TASP1: variants seen among roughly 807,000 people sequenced by gnomAD.
TASP1 encodes the protein threonine aspartase 1.
Under a neutral mutation model 56.6 loss-of-function variants are expected in TASP1, and 16 were observed. That is an observed-to-expected ratio of 0.28 (90% CI 0.19 to 0.43). The LOEUF is 0.43. Ranked by LOEUF, TASP1 falls within the 20% of genes least tolerant of loss-of-function variation. The pLI, the probability that TASP1 is intolerant of heterozygous loss-of-function variation, is 1.00. For missense variants in TASP1, 393 were observed against 511.6 expected, an observed-to-expected ratio of 0.77 and a Z score of 2.24; for synonymous variants, 179 against 184.2, an observed-to-expected ratio of 0.97 and a Z score of 0.23.
chr20:13,250,944 A>G, the TASP1 span, among the ~76,000 whole-genome samples: 16,237 of 152,144 alleles, frequency 0.11, 1,021 homozygotes, highest in African/African-American at 0.16. Context: ...CCTACTGAAA[A>G]CATCCTGAGA....
the TASP1 span, among the ~76,000 whole-genome samples, chr20:13,342,835 G>A: frequency 6.6e-6 from 1 of 152,162 alleles, no homozygotes; most frequent in South Asian, 2.1e-4. Flanking sequence ...CCTCCAGATG[G>A]GGGTGTGTAG....
chr20:13,368,527 G>A, the TASP1 span: 1 of 152,208 alleles, frequency 6.6e-6, no homozygotes, highest in East Asian at 1.9e-4. Flanking sequence ...GCCATGAGTT[G>A]AGGGCTGCTC....
chr20:13,311,246 T>C, the TASP1 span, among the ~76,000 whole-genome samples: 3 of 106,744 alleles, frequency 2.8e-5, no homozygotes, highest in Admixed American at 1.8e-4. Context: ...AGATAGATGA[T>C]AGATAGATAG....
At chr20:13,530,364 G>T (rs2045174880) in intron 9 of TASP1, among the ~76,000 whole-genome samples, 1 of 152,166 alleles carries the variant, frequency 6.6e-6, no homozygotes, top group African/African-American at 2.4e-5. Context: ...AATACATGCT[G>T]GCTCAGGGTC....
chr20:13,365,861 G>A, the TASP1 span, among the ~76,000 whole-genome samples: 1 of 152,192 alleles, frequency 6.6e-6, no homozygotes, highest in Admixed American at 6.5e-5. Flanking sequence ...GGATAGGAAA[G>A]GAATGGAGGC....
At chr20:13,345,249 T>C in the TASP1 span, among the ~76,000 whole-genome samples, 2 of 152,208 alleles carry the variant, frequency 1.3e-5, no homozygotes, top group African/African-American at 4.8e-5. Context: ...TTTGTATGCA[T>C]ATTGATTTTT....
the TASP1 span, among the ~76,000 whole-genome samples, chr20:13,227,657 C>T: frequency 3.9e-3 from 583 of 149,094 alleles, 5 homozygotes; most frequent in Middle Eastern, 0.016. Context: ...TACAGGCGCC[C>T]GCCACCATGC....
At chr20:13,198,875 T>TTTCC in the TASP1 span, among the ~76,000 whole-genome samples, 5 of 144,234 alleles carry the variant, frequency 3.5e-5, no homozygotes, top group African/African-American at 1.0e-4. Context: ...TCCTTCCTTC[T>TTTCC]TTCCTTCCTT....
intron 5 of TASP1, 97 bp from the exon 6 acceptor site, chr20:13,581,078 A>G: frequency 2.8e-6 from 3 of 1,072,786 alleles, no homozygotes; most frequent in East Asian, 2.5e-5. Flanking sequence ...CAACTTGAAT[A>G]TATCTTGGAA....
At chr20:13,346,081 A>G in the TASP1 span, among the ~76,000 whole-genome samples, 1 of 152,116 alleles carries the variant, frequency 6.6e-6, no homozygotes, top group Non-Finnish European at 1.5e-5. Context: ...CTTCTGCTTC[A>G]TGACTTACAC....
At chr20:13,405,466 C>T (rs1017107779) in intron 13 of TASP1, among the ~76,000 whole-genome samples, 1 of 152,168 alleles carries the variant, frequency 6.6e-6, no homozygotes, top group South Asian at 2.1e-4. Flanking sequence ...ACAATTCTTT[C>T]ATCTGACGAC....
At chr20:13,170,780 G>A in the TASP1 span, among the ~76,000 whole-genome samples, 2 of 152,134 alleles carry the variant, frequency 1.3e-5, no homozygotes, top group Admixed American at 6.6e-5. Flanking sequence ...TCATCACATC[G>A]TGCTCTTACT....
chr20:13,527,130 C>G (rs919041887), intron 10 of TASP1, among the ~76,000 whole-genome samples: 1 of 152,028 alleles, frequency 6.6e-6, no homozygotes, highest in Admixed American at 6.6e-5. Flanking sequence ...AATGGGAGGA[C>G]AGAGGAGTAA....
chr20:13,321,143 C>G, the TASP1 span, among the ~76,000 whole-genome samples: 1 of 150,600 alleles, frequency 6.6e-6, no homozygotes, highest in Non-Finnish European at 1.5e-5. Context: ...TGAAGGTTTC[C>G]GTGAGCTGAG....
At chr20:13,334,726 TA>T in the TASP1 span, among the ~76,000 whole-genome samples, 7 of 152,212 alleles carry the variant, frequency 4.6e-5, no homozygotes, top group Admixed American at 4.6e-4. Flanking sequence ...CAAAAAAGAT[TA>T]AAATTTCTAA....
chr20:13,118,004 T>A, the TASP1 span, among the ~76,000 whole-genome samples: 1 of 152,150 alleles, frequency 6.6e-6, no homozygotes, highest in Non-Finnish European at 1.5e-5. Context: ...AGAGGAATAA[T>A]TAACTCTGTT....
At chr20:13,210,551 A>G in the TASP1 span, among the ~76,000 whole-genome samples, 11 of 152,198 alleles carry the variant, frequency 7.2e-5, no homozygotes, top group East Asian at 2.1e-3. Context: ...GTCTATATAC[A>G]TAGTGCAGTC....
At chr20:13,406,602 G>T (rs909427130) in intron 13 of TASP1, among the ~76,000 whole-genome samples, 5 of 151,550 alleles carry the variant, frequency 3.3e-5, no homozygotes, top group African/African-American at 1.2e-4. Context: ...GTAGGTTTTT[G>T]ATAGATGACG....
At chr20:13,217,840 C>T in the TASP1 span, among the ~76,000 whole-genome samples, 866 of 152,328 alleles carry the variant, frequency 5.7e-3, 7 homozygotes, top group Middle Eastern at 0.02. Flanking sequence ...TGTCTATGAA[C>T]AAAGTTTTAT....
Sources: allele counts gnomAD v4.1 joint callset (sites outside exome capture counted in the v4.1 genomes callset), GRCh38; gene constraint gnomAD v4.1.1; transcripts MANE v1.5; gene names NCBI Gene and HGNC (gene_info 2026-07-23, HGNC 2026-07-21).